Variants in OSBPL6 observed in about 807,000 individuals in gnomAD.
OSBPL6 encodes the protein oxysterol binding protein like 6, also known as oxysterol-binding protein-related protein 6.
A neutral mutation model predicts 125.8 loss-of-function variants in OSBPL6; 49 were observed. The observed-to-expected ratio is 0.39, with a 90% CI of 0.31 to 0.49. The LOEUF (loss-of-function observed/expected upper bound fraction) is 0.49. Ranked by LOEUF, OSBPL6 falls within the 20% of genes least tolerant of loss-of-function variation. OSBPL6 has a pLI of 0.88. For synonymous variants in OSBPL6, 394 were observed against 391.8 expected (o/e 1.01, Z -0.07); for missense variants, 986 against 1,135.4 (o/e 0.87, Z 1.89).
At position 178,399,404 on chromosome 2, in the gene OSBPL6, A is replaced by G. The variant is rs1408548153; in HGVS notation, c.*3845A>G. The G allele has an allele frequency of 1.3e-5, 2 of 152,214 alleles. No homozygotes were observed. Among genetic ancestry groups the G allele is most frequent in the Non-Finnish European group, 2.9e-5 (2 of 68,038 alleles). 9.4% of individuals were successfully genotyped at this position (152,214 alleles called of 1,614,324 possible). On this transcript the variant is annotated 3_prime_UTR_variant, in exon 25 of 25. Coordinates refer to ENST00000190611, the MANE Select transcript of OSBPL6 (RefSeq NM_032523.4). ...TTGCATAATCATTCTGTTAAACTAA[A>G]CCTTTGTTTAATACATAATTGTAAG...
chr2:178,343,840 T>C (rs190880521), intron 11 of OSBPL6, among the ~76,000 whole-genome samples: 25 of 152,316 alleles, frequency 1.6e-4, no homozygotes, highest in African/African-American at 6.0e-4. Context: ...AAAAAAATTC[T>C]GTCTGGCCAT....
intron 3 of OSBPL6, among the ~76,000 whole-genome samples, chr2:178,322,061 A>C (rs1476504099): frequency 2.6e-5 from 4 of 152,218 alleles, no homozygotes; most frequent in African/African-American, 9.6e-5. Flanking sequence ...CCTCGTATCT[A>C]TACAGGAAAA....
intron 1 of OSBPL6, among the ~76,000 whole-genome samples, chr2:178,281,010 C>CTTTTTTTT (rs55986941): frequency 8.4e-5 from 11 of 131,494 alleles, no homozygotes; most frequent in East Asian, 2.2e-4. Context: ...TTGCTTTTGA[C>CTTTTTTTT]TTTTTTTTTT....
At position 178,325,398 on chromosome 2, in the gene OSBPL6, G is replaced by A. The variant is rs138712919; in HGVS notation, c.195+1129G>A. Reference sequence around the variant, plus strand: ...GAACCTCTTTAAACTGTAAAGATATGACAAGCTATAAAGTTTGTTCTATCA... The same window carrying A: ...GAACCTCTTTAAACTGTAAAGATATAACAAGCTATAAAGTTTGTTCTATCA... On this transcript the variant is annotated intron_variant, in intron 4 of 24. Coordinates refer to ENST00000190611, the MANE Select transcript of OSBPL6 (RefSeq NM_032523.4). Among the ~76,000 whole-genome samples, 881 of 152,278 alleles carry A rather than the reference G, an allele frequency of 5.8e-3. 12 individuals are homozygous for A. Among genetic ancestry groups the A allele is most frequent in the African/African-American group, 0.02 (841 of 41,560 alleles).
At chr2:178,315,624 G>C (rs1184908368) in intron 3 of OSBPL6, among the ~76,000 whole-genome samples, 3 of 152,118 alleles carry the variant, frequency 2.0e-5, no homozygotes, top group African/African-American at 7.2e-5. Flanking sequence ...TACTTTGGAG[G>C]TTATCTCTTG....
chr2:178,325,575 A>G (rs1025295797), intron 4 of OSBPL6, among the ~76,000 whole-genome samples: 3 of 152,030 alleles, frequency 2.0e-5, no homozygotes, highest in African/African-American at 7.2e-5. Context: ...ATTCTCTCTT[A>G]TAGTTAGCTA....
At chr2:178,367,747 G>T (rs1388373533) in intron 13 of OSBPL6, among the ~76,000 whole-genome samples, 1 of 152,200 alleles carries the variant, frequency 6.6e-6, no homozygotes, top group Non-Finnish European at 1.5e-5. Context: ...ATGAGGTGTG[G>T]GGAAATGAGC....
chr2:178,216,898 C>G (rs527937093), intron 1 of OSBPL6, among the ~76,000 whole-genome samples: 1 of 152,176 alleles, frequency 6.6e-6, no homozygotes, highest in Non-Finnish European at 1.5e-5. Context: ...CAAGGAAAGA[C>G]CGAGAAACTA....
At chr2:178,382,636 G>T (rs1168670860) in intron 16 of OSBPL6, 129 bp downstream of exon 16, 1 of 1,484,748 alleles carries the variant, frequency 6.7e-7, no homozygotes, top group Non-Finnish European at 9.1e-7. Flanking sequence ...GCAGCTGATT[G>T]TTCAATACAT....
chr2:178,225,003 T>TTCTCTCTCTCTC (rs10679680), intron 1 of OSBPL6, among the ~76,000 whole-genome samples: 78 of 148,538 alleles, frequency 5.3e-4, no homozygotes, highest in Middle Eastern at 3.5e-3. Context: ...CTCTCTCTCT[T>TTCTCTCTCTCTC]TCTCTCTCTC....
rs183521073 is a variant in OSBPL6 at position 178,388,376 on chromosome 2, C to T, written c.2157-633C>T. On this transcript the variant is annotated intron_variant, in intron 20 of 24. Transcript: ENST00000190611. ...GTGGTGCCTCCCTCCTACCTGGAAT[C>T]CTGCGGTGGCCCATTGCCTGCAGGG... is the stretch of plus-strand genomic sequence containing the variant. Among the ~76,000 whole-genome samples the T allele has an allele frequency of 3.8e-3, 573 of 152,274 alleles. 4 individuals are homozygous for T. The highest frequency in any genetic ancestry group is 6.1e-3 in the Non-Finnish European group (413 of 68,014).
At chr2:178,367,454 A>G (rs1212162005) in intron 13 of OSBPL6, among the ~76,000 whole-genome samples, 2 of 152,040 alleles carry the variant, frequency 1.3e-5, no homozygotes, top group Non-Finnish European at 2.9e-5. Context: ...TCATCTTGCC[A>G]TATGTTTCAT....
intron 1 of OSBPL6, among the ~76,000 whole-genome samples, chr2:178,213,759 A>G (rs767653794): frequency 1.3e-5 from 2 of 152,194 alleles, no homozygotes; most frequent in Non-Finnish European, 2.9e-5. Context: ...CTAATTTACA[A>G]CAGCCCAGAC....
At chr2:178,280,595 T>C (rs1684060203) in intron 1 of OSBPL6, among the ~76,000 whole-genome samples, 1 of 152,230 alleles carries the variant, frequency 6.6e-6, no homozygotes, top group Non-Finnish European at 1.5e-5. Context: ...TTCATATGCA[T>C]TGTGTGAAAA....
In OSBPL6 at chr2:178,308,427, C is replaced by T. The variant is rs139848487; in HGVS notation, c.102+2141C>T. On this transcript the variant is annotated intron_variant, in intron 3 of 24. Transcript: ENST00000190611. ...GGCTTCATTGAATCCTTTCCATTCT[C>T]CTGATTTGACTGACATCTATGCAGA... Among the ~76,000 whole-genome samples the T allele has an allele frequency of 8.8e-3, 1,333 of 152,336 alleles. 14 individuals carry two copies. The highest frequency in any genetic ancestry group is 0.019 in the South Asian group (94 of 4,822).
At chr2:178,225,227 G>A (rs2090505108) in intron 1 of OSBPL6, among the ~76,000 whole-genome samples, 1 of 149,782 alleles carries the variant, frequency 6.7e-6, no homozygotes. Context: ...CCCTTGGTCA[G>A]GTGCCCATTA....
chr2:178,383,904 A>G lies in OSBPL6; in HGVS notation c.1876-135A>G, dbSNP rs1045814995. The G allele has an allele frequency of 2.3e-5, 25 of 1,067,548 alleles. No individual in the cohort carries two copies. In the Admixed American group the frequency reaches 4.5e-4, roughly 19 times the overall value. The allele number at this position is 1,067,548 out of a possible 1,614,324, so 66.1% of individuals were successfully genotyped here. A position where few individuals can be genotyped will look rare whatever the true frequency, so the allele number is the denominator to read the frequency against. ...CCATGAGTTGATAAAAATTCTGTAC[A>G]GACAATAGAAAATGCAACTGTCATC... is the stretch of plus-strand genomic sequence containing the variant. On this transcript the variant is annotated intron_variant, in intron 17 of 24. Coordinates refer to ENST00000190611, the MANE Select transcript of OSBPL6 (RefSeq NM_032523.4).
chr2:178,245,036 CA>C (rs1279968950), intron 1 of OSBPL6, among the ~76,000 whole-genome samples: 1 of 152,144 alleles, frequency 6.6e-6, no homozygotes, highest in Non-Finnish European at 1.5e-5. Flanking sequence ...AATAAGGATG[CA>C]AATGTAAAAT....
chr2:178,353,841 G>A (rs1691518140), intron 12 of OSBPL6, among the ~76,000 whole-genome samples: 1 of 152,212 alleles, frequency 6.6e-6, no homozygotes, highest in South Asian at 2.1e-4. Context: ...GGCAGCCCAA[G>A]AGAAAGGTCG....
Sources: gnomAD v4.1 joint callset for allele counts (sites outside exome capture counted in the v4.1 genomes callset) on GRCh38, gnomAD v4.1.1 for gene constraint, MANE v1.5 for transcripts, NCBI Gene and HGNC (gene_info 2026-07-23, HGNC 2026-07-21) for gene names.